The following MAP2K6 variants were observed in gnomAD, a reference collection of about 807,000 sequenced individuals.
MAP2K6 encodes mitogen-activated protein kinase kinase 6, also known as dual specificity mitogen-activated protein kinase kinase 6.
In MAP2K6, 16 loss-of-function variants were observed where a neutral mutation model predicts 53.7. The ratio of observed to expected loss-of-function variants is 0.30; its 90% CI spans 0.20 to 0.45. The LOEUF is 0.45. Ranked by LOEUF, MAP2K6 falls within the 20% of genes least tolerant of loss-of-function variation. The pLI is 1.00. For synonymous variants in MAP2K6, 132 were observed against 143.1 expected, an observed-to-expected ratio of 0.92 and a Z score of 0.55; for missense variants, 204 against 411.9, an observed-to-expected ratio of 0.50 and a Z score of 4.37.
At chr17:69,501,535 C>T (rs1169994207) in intron 1 of MAP2K6, among the ~76,000 whole-genome samples, 1 of 152,106 alleles carries the variant, frequency 6.6e-6, no homozygotes, top group Non-Finnish European at 1.5e-5. Flanking sequence ...CATTTTGCTC[C>T]AGGCCAGGAT....
chr17:69,437,668 A>G (rs953095700), intron 1 of MAP2K6, among the ~76,000 whole-genome samples: 2 of 152,232 alleles, frequency 1.3e-5, no homozygotes, highest in African/African-American at 4.8e-5. Context: ...AATCATCACC[A>G]CTATCTAATT....
chr17:69,439,422 C>T lies in MAP2K6; in HGVS notation c.16+24422C>T, dbSNP rs538913900. On this transcript the variant is annotated intron_variant, in intron 1 of 11. Transcript: ENST00000590474. ...TCTATTCTGAGAAATAACAATATTA[C>T]CATTTATTAGATGCCTGAGATTTCT... is the stretch of plus-strand genomic sequence containing the variant. 2.6e-5 allele frequency among the ~76,000 whole-genome samples: 4 copies of T among 152,246 alleles called. No homozygotes were observed. In the East Asian group the frequency reaches 7.7e-4, roughly 29 times the overall value.
At chr17:69,482,024 T>G (rs1310946216) in intron 1 of MAP2K6, among the ~76,000 whole-genome samples, 1 of 152,108 alleles carries the variant, frequency 6.6e-6, no homozygotes, top group Admixed American at 6.6e-5. Flanking sequence ...AAATTTCTAG[T>G]GTAGGGTTGG....
At chr17:69,435,193 A>T (rs1274100166) in intron 1 of MAP2K6, 4 of 152,206 alleles carry the variant, frequency 2.6e-5, no homozygotes, top group Non-Finnish European at 5.9e-5. Flanking sequence ...TCACTCTGCT[A>T]GGAATAAAAG....
chr17:69,529,398 C>T (rs1910956587), intron 10 of MAP2K6, among the ~76,000 whole-genome samples: 1 of 151,998 alleles, frequency 6.6e-6, no homozygotes, highest in South Asian at 2.1e-4. Context: ...AATTTTCTTT[C>T]ACCAGTGTAT....
chr17:69,463,413 CTATA>C (rs1417508421), intron 1 of MAP2K6, among the ~76,000 whole-genome samples: 1 of 147,758 alleles, frequency 6.8e-6, no homozygotes, highest in Non-Finnish European at 1.5e-5. Flanking sequence ...ATATATATCA[CTATA>C]TAATAGTGAA....
chr17:69,490,676 AATT>A (rs1908706594), intron 1 of MAP2K6, among the ~76,000 whole-genome samples: 1 of 152,198 alleles, frequency 6.6e-6, no homozygotes. Context: ...TGCTGTAACA[AATT>A]ACCACAAACT....
intron 11 of MAP2K6, among the ~76,000 whole-genome samples, chr17:69,537,539 G>A (rs913154358): frequency 3.9e-5 from 6 of 152,248 alleles, no homozygotes; most frequent in African/African-American, 1.4e-4. Flanking sequence ...GCTTAGATAT[G>A]AGGAAGCACA....
intron 1 of MAP2K6, among the ~76,000 whole-genome samples, chr17:69,486,481 T>C (rs1283204422): frequency 6.6e-6 from 1 of 152,228 alleles, no homozygotes; most frequent in African/African-American, 2.4e-5. Context: ...GTGTTTAGTC[T>C]AGTCTGAGAC....
intron 1 of MAP2K6, among the ~76,000 whole-genome samples, chr17:69,495,726 C>G (rs565575658): frequency 8.4e-4 from 121 of 144,850 alleles, no homozygotes; most frequent in African/African-American, 3.0e-3. Context: ...TCAGTATTAT[C>G]TCTAAAAAAA....
At chr17:69,511,931 A>C (rs1466777218) in intron 2 of MAP2K6, among the ~76,000 whole-genome samples, 4 of 152,220 alleles carry the variant, frequency 2.6e-5, no homozygotes, top group African/African-American at 9.6e-5. Flanking sequence ...ATGAGCCGAG[A>C]TCGTGCCATT....
At chr17:69,497,834 G>A (rs1413688926) in intron 1 of MAP2K6, among the ~76,000 whole-genome samples, 52 of 151,982 alleles carry the variant, frequency 3.4e-4, no homozygotes, top group Non-Finnish European at 1.5e-4. Context: ...TTTAAACTTT[G>A]ATTTTGGAAA....
intron 1 of MAP2K6, among the ~76,000 whole-genome samples, chr17:69,486,122 G>A (rs186461721): frequency 7.0e-4 from 107 of 152,276 alleles, no homozygotes; most frequent in South Asian, 1.7e-3. Flanking sequence ...ATGTGAAGGA[G>A]AAGTGGGGTG....
intron 1 of MAP2K6, among the ~76,000 whole-genome samples, chr17:69,439,959 T>C (rs551890268): frequency 6.6e-6 from 1 of 152,154 alleles, no homozygotes; most frequent in Non-Finnish European, 1.5e-5. Flanking sequence ...TTATTACCAT[T>C]AAAAAGGGGG....
chr17:69,533,742 T>G (rs1455584939), intron 10 of MAP2K6, among the ~76,000 whole-genome samples: 4 of 151,918 alleles, frequency 2.6e-5, no homozygotes, highest in African/African-American at 4.8e-5. Context: ...TTTGTTTTTT[T>G]TTTTTTTTTT....
chr17:69,495,244 T>A (rs1298343914), intron 1 of MAP2K6, among the ~76,000 whole-genome samples: 1 of 150,546 alleles, frequency 6.6e-6, no homozygotes, highest in East Asian at 1.9e-4. Context: ...TTCTTTTATT[T>A]ATTTTTTTTT....
intron 1 of MAP2K6, among the ~76,000 whole-genome samples, chr17:69,479,441 G>C (rs930648188): frequency 6.6e-6 from 1 of 152,032 alleles, no homozygotes; most frequent in Admixed American, 6.5e-5. Flanking sequence ...GTAAAGGGGT[G>C]TCTGTGAAAC....
chr17:69,506,785 C>T (rs1351917921), intron 2 of MAP2K6, among the ~76,000 whole-genome samples: 1 of 152,170 alleles, frequency 6.6e-6, no homozygotes, highest in Non-Finnish European at 1.5e-5. Flanking sequence ...TATACAGACA[C>T]TTTCCACTGG....
chr17:69,514,278 G>A (rs1910025245), intron 2 of MAP2K6, among the ~76,000 whole-genome samples: 2 of 152,182 alleles, frequency 1.3e-5, no homozygotes, highest in Admixed American at 1.3e-4. Flanking sequence ...TTGAGAAAGA[G>A]GAATTAGAAT....
Sources: gnomAD v4.1 joint callset for allele counts (sites outside exome capture counted in the v4.1 genomes callset) on GRCh38, gnomAD v4.1.1 for gene constraint, MANE v1.5 for transcripts, NCBI Gene and HGNC (gene_info 2026-07-23, HGNC 2026-07-21) for gene names.